The following CCDC171 variants were observed in gnomAD, a reference collection of about 807,000 sequenced individuals.
CCDC171 encodes coiled-coil domain-containing protein 171.
CCDC171 carries 177 observed loss-of-function variants against 168.2 expected under a neutral mutation model. The observed-to-expected ratio is 1.05, with a 90% confidence interval of 0.93 to 1.19. The LOEUF (loss-of-function observed/expected upper bound fraction) is 1.19, where lower values mean the gene tolerates loss of function less well. CCDC171 is among the 50% of genes most tolerant of loss of function. The pLI is 0.00. For missense variants in CCDC171, 1,991 were observed against 1,539.0 expected, an observed-to-expected ratio of 1.29 and a Z score of -4.91; for synonymous variants, 687 against 540.8, an observed-to-expected ratio of 1.27 and a Z score of -3.75.
At chr9:15,717,613 G>C (rs1024657696) in intron 11 of CCDC171, among the ~76,000 whole-genome samples, 2 of 152,210 alleles carry the variant, frequency 1.3e-5, no homozygotes, top group African/African-American at 4.8e-5. Context: ...AGAGTAAAGA[G>C]AACCTTTTCT....
At chr9:15,825,831 G>A (rs556540062) in intron 21 of CCDC171, among the ~76,000 whole-genome samples, 102 of 152,286 alleles carry the variant, frequency 6.7e-4, no homozygotes, top group Non-Finnish European at 1.3e-3. Flanking sequence ...ACTAGTTGAA[G>A]TTCAGTTCAG....
At chr9:16,016,967 G>T (rs1317204545) in intron 3 of CCDC171, among the ~76,000 whole-genome samples, 1 of 152,124 alleles carries the variant, frequency 6.6e-6, no homozygotes, top group Non-Finnish European at 1.5e-5. Flanking sequence ...TTTCCAGTAA[G>T]ATCGTAAAAA....
chr9:15,600,030 A>T (rs772202024), intron 6 of CCDC171, among the ~76,000 whole-genome samples: 1 of 152,104 alleles, frequency 6.6e-6, no homozygotes, highest in East Asian at 1.9e-4. Context: ...TGCATTGGCT[A>T]TTCTAGTTAG....
At chr9:15,635,582 A>T (rs1250383614) in intron 7 of CCDC171, among the ~76,000 whole-genome samples, 1 of 152,132 alleles carries the variant, frequency 6.6e-6, no homozygotes, top group Non-Finnish European at 1.5e-5. Context: ...GACTGAGGGT[A>T]GGCTGCCTCT....
intron 18 of CCDC171, among the ~76,000 whole-genome samples, chr9:15,751,284 A>C (rs1438959496): frequency 6.6e-6 from 1 of 152,232 alleles, no homozygotes; most frequent in Non-Finnish European, 1.5e-5. Flanking sequence ...AAAAGAGGTC[A>C]CAAATGGCAG....
intron 24 of CCDC171, among the ~76,000 whole-genome samples, chr9:15,903,332 A>G: frequency 6.6e-6 from 1 of 152,006 alleles, no homozygotes; most frequent in East Asian, 1.9e-4. Context: ...TCTGAGACAA[A>G]ACTTCCAGAG....
rs1198501140 is a variant in CCDC171, at chr9:15,903,945, A to AT, written c.3601-16324dup. Among the ~76,000 whole-genome samples, 13 of 152,346 alleles carry AT rather than the reference A, an allele frequency of 8.5e-5. No homozygotes were observed. In the East Asian group the frequency reaches 2.3e-3, roughly 27 times the overall value. On this transcript the variant is annotated intron_variant, in intron 24 of 25. Coordinates refer to ENST00000380701, the MANE Select transcript of CCDC171 (RefSeq NM_173550.4). Reference sequence around the variant, plus strand: ...GTATCAGTGATGGAAGATCAAATGAATGAAATGAAGTGAGAAGAGAAGTTT... The same window carrying AT: ...GTATCAGTGATGGAAGATCAAATGAATTGAAATGAAGTGAGAAGAGAAGTTT...
intron 24 of CCDC171, 134 bp from the exon 25 acceptor site, chr9:15,920,136 A>T: frequency 2.0e-6 from 1 of 510,080 alleles, no homozygotes; most frequent in Non-Finnish European, 3.3e-6. Context: ...TGTTAGGTTT[A>T]GCTTTATTAT....
At chr9:15,604,981 T>C (rs1017409165) in intron 6 of CCDC171, among the ~76,000 whole-genome samples, 1 of 152,168 alleles carries the variant, frequency 6.6e-6, no homozygotes, top group African/African-American at 2.4e-5. Context: ...GCAGCGGGAC[T>C]ATCACAGCTC....
intron 24 of CCDC171, among the ~76,000 whole-genome samples, chr9:15,893,523 G>A (rs1190790090): frequency 6.6e-6 from 1 of 151,884 alleles, no homozygotes; most frequent in Non-Finnish European, 1.5e-5. Flanking sequence ...GAAAATTTTT[G>A]CAATTCATCT....
intron 24 of CCDC171, among the ~76,000 whole-genome samples, chr9:15,878,921 A>G (rs1055965293): frequency 4.7e-4 from 71 of 152,262 alleles, no homozygotes; most frequent in African/African-American, 1.7e-3. Flanking sequence ...GAGCTAAATG[A>G]TGAGAACACA....
chr9:15,798,568 TC>T (rs1181459991), intron 21 of CCDC171, among the ~76,000 whole-genome samples: 2 of 152,162 alleles, frequency 1.3e-5, no homozygotes, highest in East Asian at 3.9e-4. Flanking sequence ...CCCTTCTTTT[TC>T]TAGTTGTTAA....
At chr9:16,053,424 G>C (rs1833783381) in intron 1 of CCDC171, among the ~76,000 whole-genome samples, 1 of 152,222 alleles carries the variant, frequency 6.6e-6, no homozygotes, top group Non-Finnish European at 1.5e-5. Context: ...GCAAGTAAGG[G>C]CTCACATGTC....
chr9:15,660,091 T>C (rs1024138051), intron 8 of CCDC171, among the ~76,000 whole-genome samples: 12 of 152,218 alleles, frequency 7.9e-5, no homozygotes, highest in African/African-American at 2.9e-4. Flanking sequence ...ACTCCCAATG[T>C]AAGATACAAC....
Position 15,906,834 on chromosome 9 carries a change from A to G in CCDC171, c.3601-13436A>G, listed in dbSNP as rs536251744. Among the ~76,000 whole-genome samples, 25 of 152,264 alleles carry G rather than the reference A, an allele frequency of 1.6e-4. No homozygotes were observed. The South Asian group carries it at 4.2e-3, about 25-fold the overall frequency. On this transcript the variant is annotated intron_variant, in intron 24 of 25. Coordinates refer to ENST00000380701, the MANE Select transcript of CCDC171 (RefSeq NM_173550.4). ...AGCGACTTCAGCAAAGTCTCTGGATACAAAATCAATGTGCAAAAATCACAA... is the reference window on the plus strand; with the variant it reads ...AGCGACTTCAGCAAAGTCTCTGGATGCAAAATCAATGTGCAAAAATCACAA...
chr9:15,936,605 C>T (rs1212063204), intron 25 of CCDC171, among the ~76,000 whole-genome samples: 1 of 151,928 alleles, frequency 6.6e-6, no homozygotes, highest in Admixed American at 6.6e-5. Context: ...TTGTATGTTG[C>T]TTGAAAAAAT....
chr9:15,638,309 G>A (rs2046350825), intron 7 of CCDC171, among the ~76,000 whole-genome samples: 1 of 152,018 alleles, frequency 6.6e-6, no homozygotes, highest in East Asian at 1.9e-4. Flanking sequence ...TATATTTTAT[G>A]TTGGCTGTTT....
At chr9:15,775,270 C>A (rs983042400) in intron 18 of CCDC171, among the ~76,000 whole-genome samples, 30 of 152,332 alleles carry the variant, frequency 2.0e-4, no homozygotes, top group African/African-American at 6.3e-4. Context: ...GAATGCATTG[C>A]AGAATTATAT....
chr9:15,875,211 A>G (rs1817685371), intron 24 of CCDC171: 2 of 152,076 alleles, frequency 1.3e-5, no homozygotes, highest in South Asian at 4.1e-4. Context: ...ATTTAGTTTT[A>G]GTGAACATTG....
Sources: gnomAD v4.1 joint callset for allele counts (sites outside exome capture counted in the v4.1 genomes callset) on GRCh38, gnomAD v4.1.1 for gene constraint, MANE v1.5 for transcripts, NCBI Gene and HGNC (gene_info 2026-07-23, HGNC 2026-07-21) for gene names.